The following RTP1 variants were observed in gnomAD, a reference collection of about 807,000 sequenced individuals.
RTP1 encodes the protein receptor-transporting protein 1.
A neutral mutation model predicts 27.1 loss-of-function variants in RTP1; 24 were observed. The observed-to-expected ratio is 0.89, with a 90% CI of 0.64 to 1.25. The LOEUF (loss-of-function observed/expected upper bound fraction) is 1.25, where lower values mean the gene tolerates loss of function less well. Among genes scored for constraint, RTP1 ranks in the 50% most tolerant of loss-of-function variants. The pLI is 0.00. For missense variants in RTP1, 338 were observed against 351.6 expected, an observed-to-expected ratio of 0.96 and a Z score of 0.31; for synonymous variants, 148 against 148.1, an observed-to-expected ratio of 1.00 and a Z score of 0.00.
Position 187,197,631 on chromosome 3 carries a change from A to G in RTP1, c.116A>G (p.Lys39Arg). Residue 39 changes from lysine (K) to arginine (R), a missense_variant, in exon 1 of 2, where the codon AAA (lysine) becomes AGA (arginine). Coordinates refer to ENST00000312295, the MANE Select transcript of RTP1 (RefSeq NM_153708.3). ...CTCACTACTGACGAGACCATGTGTA[A>G]AAGCGTGACCACAGATGAGTGGAAG... is the stretch of plus-strand genomic sequence containing the variant. The part of the protein sequence containing the change: ...PSLTTDETMC[K>R]SVTTDEWKKV... 6.2e-7 allele frequency: 1 copy of G among 1,614,182 alleles called. No homozygotes were observed.
Position 187,200,187 on chromosome 3 carries a change from A to G in RTP1, c.*117A>G. 1 of 870,546 alleles carries G rather than the reference A, an allele frequency of 1.1e-6. No homozygotes were observed. Among genetic ancestry groups the G allele is most frequent in the Non-Finnish European group, 1.6e-6 (1 of 610,930 alleles). The allele number at this position is 870,546 out of a possible 1,614,324, so 53.9% of individuals were successfully genotyped here. ...CTAGCGCTGGTGATGTCACTGACTC[A>G]GTGGGGATCTTGGACAAATTATACA... On this transcript the variant is annotated 3_prime_UTR_variant, in exon 2 of 2. Coordinates refer to ENST00000312295, the MANE Select transcript of RTP1 (RefSeq NM_153708.3).
At position 187,200,292 on chromosome 3, in the gene RTP1, G is replaced by A. The variant is rs572398629; in HGVS notation, c.*222G>A. The A allele has an allele frequency of 5.8e-4, 231 of 398,338 alleles. No homozygotes were observed. The highest frequency in any genetic ancestry group is 4.5e-3 in the African/African-American group (220 of 48,878). 24.7% of individuals were successfully genotyped at this position (398,338 alleles called of 1,614,324 possible). A position where few individuals can be genotyped will look rare whatever the true frequency, so the allele number is the denominator to read the frequency against. On this transcript the variant is annotated 3_prime_UTR_variant, in exon 2 of 2. Transcript: ENST00000312295. ...GAAACCCAGGACCCCAAAGTTCTGC[G>A]TAGGTGCCTCAGGGACTTTTGGATT...
At chr3:187,198,876 G>A (rs776107886) in intron 1 of RTP1, among the ~76,000 whole-genome samples, 16 of 152,204 alleles carry the variant, frequency 1.1e-4, no homozygotes, top group Non-Finnish European at 1.9e-4. Context: ...CAGGAGGGGT[G>A]TCAAGGGCTG....
At chr3:187,199,293 G>C (rs1000231808) in intron 1 of RTP1, 5 of 475,762 alleles carry the variant, frequency 1.1e-5, no homozygotes, top group Non-Finnish European at 1.9e-5. Context: ...GGTGGTGGGA[G>C]TTAGGCCTCT....
Position 187,199,864 on chromosome 3 carries a change from G to T in RTP1, c.586G>T (p.Glu196Ter). Reference sequence around the variant, plus strand: ...CGGAGAGTTCTGCGAGGCCTGCCAGGAGGGCATCGTGCACTGGAAGCCCAG... The same window carrying T: ...CGGAGAGTTCTGCGAGGCCTGCCAGTAGGGCATCGTGCACTGGAAGCCCAG... ...HRGEFCEACQ[E>*]GIVHWKPSEK... is the part of the protein sequence containing the mutation. Residue 196 changes from glutamate to a stop codon, truncating the protein, a stop_gained, in exon 2 of 2, where the codon GAG (glutamate) becomes TAG (stop). Coordinates refer to ENST00000312295, the MANE Select transcript of RTP1 (RefSeq NM_153708.3). LOFTEE classifies it high-confidence loss of function. 1 of 1,598,954 alleles carries T rather than the reference G, an allele frequency of 6.3e-7. No homozygotes were observed. The highest frequency in any genetic ancestry group is 8.6e-7 in the Non-Finnish European group (1 of 1,168,318).
Position 187,200,359 on chromosome 3 carries a change from C to G in RTP1, c.*289C>G. The stretch of plus-strand genomic sequence containing the variant: ...CTAGTGGGTGTCTCCAACTCCTGAT[C>G]TAAACACCCATCCTCCAACTCCTAC... On this transcript the variant is annotated 3_prime_UTR_variant, in exon 2 of 2. Transcript: ENST00000312295. The G allele has an allele frequency of 3.8e-6, 1 of 265,682 alleles. No homozygotes were observed. The highest frequency in any genetic ancestry group is 6.9e-6 in the Non-Finnish European group (1 of 144,220). The allele number at this position is 265,682 out of a possible 1,614,324, so 16.5% of individuals were successfully genotyped here.
At position 187,197,718 on chromosome 3, in the gene RTP1, AC is replaced by A; in HGVS notation, c.207del (p.Asn70ThrfsTer7). 6.2e-7 allele frequency: 1 copy of A among 1,614,058 alleles called. No homozygotes were observed. The highest frequency in any genetic ancestry group is 8.5e-7 in the Non-Finnish European group (1 of 1,180,002). On this transcript the variant is annotated frameshift_variant, in exon 1 of 2. Transcript: ENST00000312295. LOFTEE classifies it high-confidence loss of function. ...GCTGACAGCTGGGACCTCATCATAG[AC>A]CCCAACCTCAAGCACAATGTGCTGA... ...KPADSWDLII[D>X]PNLKHNVLSP...
chr3:187,199,455 C>G, intron 1 of RTP1, 96 bp from the exon 2 acceptor site: 4 of 1,364,214 alleles, frequency 2.9e-6, no homozygotes, highest in Non-Finnish European at 4.0e-6. Flanking sequence ...CACCTCCAGG[C>G]TCTGCTTAGC....
Position 187,199,869 on chromosome 3 carries a change from C to T in RTP1, c.591C>T (p.Gly197=). ...RGEFCEACQE[G]IVHWKPSEKL... ...AGTTCTGCGAGGCCTGCCAGGAGGG[C>T]ATCGTGCACTGGAAGCCCAGCGAGA... Residue 197 remains glycine (G), a synonymous_variant, in exon 2 of 2, where the codon GGC becomes GGT. Coordinates refer to ENST00000312295, the MANE Select transcript of RTP1 (RefSeq NM_153708.3). 6.3e-7 allele frequency: 1 copy of T among 1,597,688 alleles called. No homozygotes were observed. Among genetic ancestry groups the T allele is most frequent in the Non-Finnish European group, 8.6e-7 (1 of 1,167,524 alleles).
In RTP1 at chr3:187,201,210, C is replaced by A. The variant is rs1370316696; in HGVS notation, c.*1140C>A. The A allele has an allele frequency of 6.6e-6, 1 of 152,164 alleles. No individual in the cohort carries two copies. Among genetic ancestry groups the A allele is most frequent in the Non-Finnish European group, 1.5e-5 (1 of 68,034 alleles). 9.4% of individuals were successfully genotyped at this position (152,164 alleles called of 1,614,324 possible). A position where few individuals can be genotyped will look rare whatever the true frequency, so the allele number is the denominator to read the frequency against. On this transcript the variant is annotated 3_prime_UTR_variant, in exon 2 of 2. Transcript: ENST00000312295. ...GAAGTGCACAGATATGTGGGAGAAC[C>A]TTACAAGGCTCTAAAATGAGATGTG...
rs1721687745 is a variant in RTP1, at chr3:187,199,971, C to A, written c.693C>A (p.Gly231=). The change falls in exon 2 of 2, where the codon GGC becomes GGA. Residue 231 remains glycine, a synonymous_variant. Coordinates refer to ENST00000312295, the MANE Select transcript of RTP1 (RefSeq NM_153708.3). ...CCACCAAGTCGCAGGACCAGACGGG[C>A]TCAGGCTGGAACTTCTGCTCTATCC... ...PSPTKSQDQT[G]SGWNFCSIPW... is the part of the protein sequence containing the mutation. 1.9e-6 allele frequency: 3 copies of A among 1,588,492 alleles called. No individual in the cohort carries two copies. Among genetic ancestry groups the A allele is most frequent in the Non-Finnish European group, 1.7e-6 (2 of 1,166,196 alleles).
chr3:187,200,088 C>G lies in RTP1; in HGVS notation c.*18C>G. On this transcript the variant is annotated 3_prime_UTR_variant, in exon 2 of 2. Coordinates refer to ENST00000312295, the MANE Select transcript of RTP1 (RefSeq NM_153708.3). ...CCGTATAAGATTCCGTGGTTGGGCCCAGAGCCTGTCGAGGGTGCCAGTTAG... is the reference window on the plus strand; with the variant it reads ...CCGTATAAGATTCCGTGGTTGGGCCGAGAGCCTGTCGAGGGTGCCAGTTAG... 2.7e-6 allele frequency: 4 copies of G among 1,491,404 alleles called. No homozygotes were observed. Among genetic ancestry groups the G allele is most frequent in the Non-Finnish European group, 3.6e-6 (4 of 1,118,050 alleles). The allele number at this position is 1,491,404 out of a possible 1,614,324, so 92.4% of individuals were successfully genotyped here.
chr3:187,199,486 T>C, intron 1 of RTP1, 65 bp from the exon 2 acceptor site: 1 of 1,517,394 alleles, frequency 6.6e-7, no homozygotes, highest in Non-Finnish European at 8.9e-7. Flanking sequence ...CCTCACGCCA[T>C]TCCTAGGGCT....
At chr3:187,198,506 G>T (rs886214775) in intron 1 of RTP1, 1 of 152,260 alleles carries the variant, frequency 6.6e-6, no homozygotes, top group Non-Finnish European at 1.5e-5. Flanking sequence ...TTGTTCATGG[G>T]TCCAGAGTGT....
chr3:187,200,360 T>A lies in RTP1; in HGVS notation c.*290T>A. 1 of 248,894 alleles carries A rather than the reference T, an allele frequency of 4.0e-6. No homozygotes were observed. The highest frequency in any genetic ancestry group is 5.6e-5 in the Admixed American group (1 of 18,012). The allele number at this position is 248,894 out of a possible 1,614,324, so 15.4% of individuals were successfully genotyped here. A position where few individuals can be genotyped will look rare whatever the true frequency, so the allele number is the denominator to read the frequency against. ...TAGTGGGTGTCTCCAACTCCTGATC[T>A]AAACACCCATCCTCCAACTCCTACC... On this transcript the variant is annotated 3_prime_UTR_variant, in exon 2 of 2. Transcript: ENST00000312295.
At chr3:187,199,370 C>CAAGGCTG in intron 1 of RTP1, 181 bp from the exon 2 acceptor site, 1 of 617,812 alleles carries the variant, frequency 1.6e-6, no homozygotes, top group Non-Finnish European at 2.8e-6. Flanking sequence ...TGCTGTAGTC[C>CAAGGCTG]TAGGGGCACT....
chr3:187,199,594 G>A lies in RTP1; in HGVS notation c.316G>A (p.Val106Met), dbSNP rs61732291. 51 of 1,605,210 alleles carry A rather than the reference G, an allele frequency of 3.2e-5. No individual in the cohort carries two copies. In the Middle Eastern group the frequency reaches 6.6e-4, roughly 21 times the overall value. ...CTGGCACACCTGGCAGTCGCCCTAC[G>A]TGGTCATCCTCTTCCACATGTTCCT... ...WCWHTWQSPY[V>M]VILFHMFLDR... The change falls in exon 2 of 2, where the codon GTG (valine) becomes ATG (methionine). Residue 106 changes from valine to methionine, a missense_variant. Val to Met is a conservative substitution (Grantham distance 21). Transcript: ENST00000312295.
rs772092594 is a variant in RTP1 at position 187,199,784 on chromosome 3, G to T, written c.506G>T (p.Arg169Leu). The change falls in exon 2 of 2, where the codon CGT becomes CTT. Residue 169 changes from arginine (R) to leucine (L), a missense_variant. Arg to Leu is a moderately radical substitution (Grantham distance 102). This residue lies in a region of RTP1 where 252 missense variants were observed against 231.5 expected (regional missense o/e 1.09). Transcript: ENST00000312295. ...CTGCGCGAGCAGTGCTACGGCGAGC[G>T]TGGCGGCCAGTACCGCATCCACGTG... ...TSLREQCYGE[R>L]GGQYRIHVAS... 6.2e-7 allele frequency: 1 copy of T among 1,613,076 alleles called. No homozygotes were observed. The highest frequency in any genetic ancestry group is 1.1e-5 in the South Asian group (1 of 91,066).
In RTP1 at chr3:187,197,635, C is replaced by G; in HGVS notation, c.120C>G (p.Ser40Arg). ...CTACTGACGAGACCATGTGTAAAAG[C>G]GTGACCACAGATGAGTGGAAGAAAG... ...SLTTDETMCK[S>R]VTTDEWKKVF... The change falls in exon 1 of 2, where the codon AGC becomes AGG. Residue 40 changes from serine (S) to arginine (R), a missense_variant. Transcript: ENST00000312295. 6.2e-7 allele frequency: 1 copy of G among 1,614,124 alleles called. No homozygotes were observed. Among genetic ancestry groups the G allele is most frequent in the South Asian group, 1.1e-5 (1 of 91,070 alleles).
Sources: allele counts gnomAD v4.1 joint callset (sites outside exome capture counted in the v4.1 genomes callset), GRCh38; gene constraint gnomAD v4.1.1; regional missense constraint gnomAD v4.1.1; transcripts MANE v1.5; gene names NCBI Gene and HGNC (gene_info 2026-07-23, HGNC 2026-07-21).